Variants in ADGRL1 observed in about 807,000 individuals in gnomAD.
ADGRL1 encodes CIRL-1.
In ADGRL1, 31 loss-of-function variants were observed where a neutral mutation model predicts 148.9. That is an observed-to-expected ratio of 0.21 (90% CI 0.16 to 0.28). The LOEUF is 0.28. ADGRL1 is among the 10% of genes least tolerant of loss of function. The pLI is 1.00. For missense variants in ADGRL1, 1,521 were observed against 2,058.8 expected (o/e 0.74, Z 5.05); for synonymous variants, 937 against 900.3 (o/e 1.04, Z -0.73).
chr19:14,165,578 G>T (rs867289538), intron 4 of ADGRL1, among the ~76,000 whole-genome samples: 1 of 151,918 alleles, frequency 6.6e-6, no homozygotes, highest in Non-Finnish European at 1.5e-5. Flanking sequence ...CCCTTGCCCC[G>T]TCACCCCACC....
Position 14,151,625 on chromosome 19 carries a change from A to C in ADGRL1, c.3668-10T>G. The C allele has an allele frequency of 6.3e-7, 1 of 1,583,188 alleles. No homozygotes were observed. Among genetic ancestry groups the C allele is most frequent in the Non-Finnish European group, 8.5e-7 (1 of 1,171,786 alleles). On this transcript the variant is annotated splice_polypyrimidine_tract_variant and intron_variant, in intron 22 of 22. Coordinates refer to ENST00000361434, the MANE Select transcript of ADGRL1 (RefSeq NM_014921.5). ...CCTCCCAAGGGGTGCTCTGCAGGGC[A>C]GAAAGGGGCTGGTCAGGTTGAAGAG...
At chr19:14,204,296 C>A (rs1599535228) in intron 1 of ADGRL1, among the ~76,000 whole-genome samples, 1 of 152,228 alleles carries the variant, frequency 6.6e-6, no homozygotes, top group South Asian at 2.1e-4. Flanking sequence ...GAGAAGTCAC[C>A]TGCCCCCCAA....
Position 14,159,009 on chromosome 19 carries a change from ATGGCACAGAGACGC to A in ADGRL1, c.2149+67_2149+80del. On this transcript the variant is annotated intron_variant, in intron 11 of 22. Transcript: ENST00000361434. The surrounding 1 kb of genome is among the most constrained non-coding windows in gnomAD (Gnocchi z 6.0). ...AGGTCAGCACCGCTGCCCTCTACAA[ATGGCACAGAGACGC>A]TGGCACAGAGCTGGGGGGTGGGGGT... The A allele has an allele frequency of 1.3e-6, 2 of 1,553,626 alleles. No homozygotes were observed. The highest frequency in any genetic ancestry group is 1.8e-6 in the Non-Finnish European group (2 of 1,139,584).
At chr19:14,183,417 C>T (rs576790485) in intron 2 of ADGRL1, 116 bp downstream of exon 2, 11 of 941,028 alleles carry the variant, frequency 1.2e-5, no homozygotes, top group African/African-American at 3.3e-5. Flanking sequence ...AGGTCTGGGG[C>T]GGGGCAGGGG....
chr19:14,191,242 T>G (rs1599505132), intron 1 of ADGRL1: 2 of 456,444 alleles, frequency 4.4e-6, no homozygotes, highest in African/African-American at 4.0e-5. Context: ...GACTCAGAGG[T>G]GTCCTCCCCA....
Position 14,151,318 on chromosome 19 carries a change from C to G in ADGRL1, c.3965G>C (p.Gly1322Ala). ...GGEEEAGGPG[G>A]ADRAEIELLY... The stretch of plus-strand genomic sequence containing the variant: ...AAGTTCAATCTCGGCCCGGTCAGCA[C>G]CCCCGGGCCCGCCCGCCTCTTCCTC... Residue 1322 changes from glycine to alanine, a missense_variant, in exon 23 of 23, where the codon GGT becomes GCT. Physicochemically the swap from Gly to Ala is moderately conservative, Grantham distance 60. Around this residue, in one of 8 missense-constraint regions of ADGRL1, gnomAD observed 390 missense variants for 375.0 expected, o/e 1.04. Coordinates refer to ENST00000361434, the MANE Select transcript of ADGRL1 (RefSeq NM_014921.5). 1.3e-6 allele frequency: 2 copies of G among 1,596,218 alleles called. No homozygotes were observed. The highest frequency in any genetic ancestry group is 1.7e-6 in the Non-Finnish European group (2 of 1,172,698).
At position 14,160,648 on chromosome 19, in the gene ADGRL1, C is replaced by T. The variant is rs774230405; in HGVS notation, c.1559G>A (p.Arg520Gln). 1.2e-5 allele frequency: 19 copies of T among 1,612,900 alleles called. No homozygotes were observed. The highest frequency in any genetic ancestry group is 4.4e-5 in the South Asian group (4 of 90,838). The change falls in exon 7 of 23, where the codon CGG becomes CAG. Residue 520 changes from arginine (R) to glutamine (Q), a missense_variant. Arg to Gln is a conservative substitution (Grantham distance 43). Around this residue, in one of 8 missense-constraint regions of ADGRL1, gnomAD observed 270 missense variants for 320.4 expected, o/e 0.84. Transcript: ENST00000361434. The surrounding 1 kb of genome is among the most constrained non-coding windows in gnomAD (Gnocchi z 5.9). Reference sequence around the variant, plus strand: ...GGTGCAGTTGCTGAGGTCAGGGCCCCGGGGGTTCCAGAGCCCCAAGGCTGG... The same window carrying T: ...GGTGCAGTTGCTGAGGTCAGGGCCCTGGGGGTTCCAGAGCCCCAAGGCTGG... ...CLPALGLWNPRGPDLSNCTSP... is the reference protein window; with the variant it reads ...CLPALGLWNPQGPDLSNCTSP...
At chr19:14,154,222 A>G (rs1009347359) in intron 18 of ADGRL1, among the ~76,000 whole-genome samples, 2 of 152,138 alleles carry the variant, frequency 1.3e-5, no homozygotes, top group East Asian at 1.9e-4. Context: ...TGGACAGAGC[A>G]GGGACACAGG....
chr19:14,179,145 C>G (rs1425125140), intron 2 of ADGRL1, among the ~76,000 whole-genome samples: 1 of 151,768 alleles, frequency 6.6e-6, no homozygotes, highest in African/African-American at 2.4e-5. Flanking sequence ...GATCGTGCCA[C>G]TGCACTCCAG....
intron 2 of ADGRL1, among the ~76,000 whole-genome samples, chr19:14,181,538 G>A (rs1971195836): frequency 6.6e-6 from 1 of 152,122 alleles, no homozygotes; most frequent in Non-Finnish European, 1.5e-5. Flanking sequence ...GGCCAACATG[G>A]TGAAACCCTG....
chr19:14,188,282 G>A (rs1289799222), intron 1 of ADGRL1, among the ~76,000 whole-genome samples: 1 of 152,050 alleles, frequency 6.6e-6, no homozygotes, highest in Non-Finnish European at 1.5e-5. Flanking sequence ...TTCTGGTAAG[G>A]AGAGCAGTAC....
At chr19:14,153,927 C>A (rs368024426) in intron 18 of ADGRL1, among the ~76,000 whole-genome samples, 1 of 150,724 alleles carries the variant, frequency 6.6e-6, no homozygotes, top group African/African-American at 2.4e-5. Context: ...GGGGACAGAA[C>A]GAGACTCTGT....
intron 1 of ADGRL1, chr19:14,191,335 G>A (rs1425517596): frequency 8.8e-6 from 4 of 456,520 alleles, no homozygotes; most frequent in African/African-American, 6.0e-5. Flanking sequence ...GCCATGCTGT[G>A]ACCTCTTGTG....
In ADGRL1 at chr19:14,159,127, C is replaced by T. The variant is rs1381378680; in HGVS notation, c.2112G>A (p.Gln704=). ...TCTGCTTGATGGTTTTGGCAGACAG[C>T]TGGATGGAGTTCTTTCTCGGGTACT... ...QEEYPRKNSI[Q]LSAKTIKQNS... The change falls in exon 11 of 23, where the codon CAG becomes CAA. Residue 704 remains glutamine, a synonymous_variant. Transcript: ENST00000361434. The surrounding 1 kb of genome is among the most constrained non-coding windows in gnomAD (Gnocchi z 6.0). 6.2e-7 allele frequency: 1 copy of T among 1,614,134 alleles called. No homozygotes were observed. Among genetic ancestry groups the T allele is most frequent in the East Asian group, 2.2e-5 (1 of 44,884 alleles).
At chr19:14,156,418 C>G (rs35788492) in intron 16 of ADGRL1, among the ~76,000 whole-genome samples, 14,625 of 152,120 alleles carry the variant, frequency 0.096, 898 homozygotes, top group Admixed American at 0.17. Context: ...GGACAAGGCC[C>G]ATGGCCTGAC....
At chr19:14,176,555 G>A (rs1180059144) in intron 3 of ADGRL1, among the ~76,000 whole-genome samples, 1 of 152,102 alleles carries the variant, frequency 6.6e-6, no homozygotes, top group Non-Finnish European at 1.5e-5. Flanking sequence ...AATCTGGGAT[G>A]GGTGGGTGCG....
chr19:14,166,586 G>A (rs888193154), intron 4 of ADGRL1, among the ~76,000 whole-genome samples: 6 of 151,624 alleles, frequency 4.0e-5, no homozygotes, highest in African/African-American at 1.5e-4. Context: ...GAGAGAAAGA[G>A]AGAGAGAGAG....
chr19:14,197,956 T>C (rs1972368924), intron 1 of ADGRL1, among the ~76,000 whole-genome samples: 1 of 152,140 alleles, frequency 6.6e-6, no homozygotes, highest in Non-Finnish European at 1.5e-5. Flanking sequence ...GGTATACATG[T>C]AGGTGCAACT....
At chr19:14,167,239 C>G (rs1250907854) in intron 4 of ADGRL1, among the ~76,000 whole-genome samples, 4 of 151,958 alleles carry the variant, frequency 2.6e-5, no homozygotes, top group African/African-American at 9.7e-5. Flanking sequence ...TGGGGGTGGT[C>G]AGGTGGGGTG....
Sources: gnomAD v4.1 joint callset for allele counts (sites outside exome capture counted in the v4.1 genomes callset) on GRCh38, gnomAD v4.1.1 for gene constraint, gnomAD v4.1.1 regional missense constraint, Gnocchi (gnomAD v3.1) non-coding constraint, MANE v1.5 for transcripts, NCBI Gene and HGNC (gene_info 2026-07-23, HGNC 2026-07-21) for gene names.